ZNF718: variants seen among roughly 807,000 people sequenced by gnomAD.
ZNF718 encodes zinc finger protein 718.
In ZNF718, 3 loss-of-function variants were observed where a neutral mutation model predicts 2.6. The observed-to-expected ratio is 1.16, with a 90% CI of 0.53 to 3.01. The LOEUF (loss-of-function observed/expected upper bound fraction) is 3.01. ZNF718 is among the 30% of genes most tolerant of loss of function. ZNF718 has a pLI of 0.03. For missense variants in ZNF718, 468 were observed against 230.0 expected (o/e 2.03, Z -6.69); for synonymous variants, 135 against 77.9 (o/e 1.73, Z -3.86).
intron 1 of ZNF718, among the ~76,000 whole-genome samples, chr4:126,751 G>C (rs1553808107): frequency 6.6e-6 from 1 of 151,598 alleles, no homozygotes; most frequent in African/African-American, 2.4e-5. Context: ...TCACATTTTG[G>C]TTTAATTATA....
At chr4:193,887 A>G (rs1264244831) in intron 3 of ZNF718, among the ~76,000 whole-genome samples, 1 of 152,178 alleles carries the variant, frequency 6.6e-6, no homozygotes, top group Non-Finnish European at 1.5e-5. Flanking sequence ...TTCCCTTGAC[A>G]TAAGGGCATG....
At chr4:167,216 G>C (rs113664738), downstream of ZNF718, among the ~76,000 whole-genome samples, 1,925 of 152,204 alleles carry the variant, frequency 0.013, 47 homozygotes, top group African/African-American at 0.044. Flanking sequence ...CTATATCTCT[G>C]TTTTGGTACC....
intron 3 of ZNF718, among the ~76,000 whole-genome samples, chr4:184,310 A>G (rs527780724): frequency 4.9e-4 from 75 of 152,196 alleles, no homozygotes; most frequent in African/African-American, 1.6e-3. Context: ...TGAACCACAT[A>G]TATCGATTTG....
At chr4:187,719 G>A (rs1434656278) in intron 3 of ZNF718, among the ~76,000 whole-genome samples, 6 of 152,134 alleles carry the variant, frequency 3.9e-5, no homozygotes, top group Non-Finnish European at 7.4e-5. Flanking sequence ...CAGGGGAAAG[G>A]GGATGAGCAA....
At chr4:166,322 G>A (rs1472788221), downstream of ZNF718, among the ~76,000 whole-genome samples, 1 of 152,202 alleles carries the variant, frequency 6.6e-6, no homozygotes, top group Non-Finnish European at 1.5e-5. Context: ...GTGTGCATGT[G>A]TCTTTATAGC....
intron 3 of ZNF718, among the ~76,000 whole-genome samples, chr4:189,270 T>A (rs1553820821): frequency 6.6e-6 from 1 of 152,038 alleles, no homozygotes; most frequent in African/African-American, 2.4e-5. Flanking sequence ...ACGTTTCTTA[T>A]TGATAACCTT....
At chr4:169,499 G>C (rs905782665) in intron 3 of ZNF718, among the ~76,000 whole-genome samples, 32 of 152,076 alleles carry the variant, frequency 2.1e-4, no homozygotes, top group African/African-American at 7.5e-4. Flanking sequence ...TCTCTTTCTA[G>C]GTCTCTAACG....
chr4:126,456 T>C (rs1045073219), intron 1 of ZNF718, among the ~76,000 whole-genome samples: 1 of 152,254 alleles, frequency 6.6e-6, no homozygotes, highest in Non-Finnish European at 1.5e-5. Context: ...AACTATTGCT[T>C]TGAAATGTGA....
At chr4:183,140 A>G (rs1231743607) in intron 3 of ZNF718, among the ~76,000 whole-genome samples, 1 of 152,094 alleles carries the variant, frequency 6.6e-6, no homozygotes, top group Non-Finnish European at 1.5e-5. Context: ...TTGGTTTTAC[A>G]TTTAAGTCTT....
intron 3 of ZNF718, among the ~76,000 whole-genome samples, chr4:199,194 G>C (rs567101566): frequency 6.6e-6 from 1 of 152,294 alleles, no homozygotes; most frequent in East Asian, 1.9e-4. Context: ...TGTAAAAGGG[G>C]CATAATAACT....
chr4:134,742 TTTG>T (rs1715484862), intron 3 of ZNF718, among the ~76,000 whole-genome samples: 1 of 150,544 alleles, frequency 6.6e-6, no homozygotes, highest in African/African-American at 2.4e-5. Flanking sequence ...TTCTTTTTTG[TTTG>T]TTTGTTTTTG....
chr4:175,729 C>G (rs1472033769), intron 3 of ZNF718, among the ~76,000 whole-genome samples: 3 of 152,006 alleles, frequency 2.0e-5, no homozygotes, highest in Non-Finnish European at 1.5e-5. Context: ...TACTAATATG[C>G]CTTTGTTACC....
intron 3 of ZNF718, among the ~76,000 whole-genome samples, chr4:197,717 C>G (rs1214624348): frequency 6.6e-6 from 1 of 152,200 alleles, no homozygotes; most frequent in Non-Finnish European, 1.5e-5. Flanking sequence ...GAACTGCACT[C>G]TAAATGCAGG....
chr4:183,054 T>C (rs1717499690), intron 3 of ZNF718, among the ~76,000 whole-genome samples: 1 of 152,226 alleles, frequency 6.6e-6, no homozygotes, highest in Non-Finnish European at 1.5e-5. Context: ...TTTTTGCATC[T>C]TTGTCATGAA....
chr4:161,918 T>A lies in ZNF718; in HGVS notation c.1233T>A (p.His411Gln), dbSNP rs782022977. The A allele has an allele frequency of 2.7e-5, 21 of 780,044 alleles. 2 individuals carry two copies. In the South Asian group the frequency reaches 2.8e-4, roughly 10 times the overall value. The allele number at this position is 780,044 out of a possible 1,614,324, so 48.3% of individuals were successfully genotyped here. Residue 411 changes from histidine to glutamine, a missense_variant, in exon 4 of 4, where the codon CAT becomes CAA. Coordinates refer to ENST00000510175, the MANE Select transcript of ZNF718 (RefSeq NM_001039127.6). ...GKAFKVFANL[H>Q]NHKKIHTGEK... The stretch of plus-strand genomic sequence containing the variant: ...CCTTTAAAGTGTTTGCAAACCTGCA[T>A]AATCATAAGAAAATTCATACTGGAG...
intron 3 of ZNF718, among the ~76,000 whole-genome samples, chr4:137,149 A>C (rs77959824): frequency 6.6e-6 from 1 of 152,092 alleles, no homozygotes; most frequent in African/African-American, 2.4e-5. Context: ...GCTTTCTACC[A>C]TAATTGGAAG....
intron 3 of ZNF718, among the ~76,000 whole-genome samples, chr4:156,933 A>G (rs772068145): frequency 6.6e-6 from 1 of 152,160 alleles, no homozygotes; most frequent in Non-Finnish European, 1.5e-5. Flanking sequence ...GTGACCATGT[A>G]TATGAGAGTT....
chr4:169,917 C>T (rs201999055), intron 3 of ZNF718, among the ~76,000 whole-genome samples: 29,000 of 150,040 alleles, frequency 0.19, 3,048 homozygotes, highest in Admixed American at 0.26. Context: ...TTTTGCTCAT[C>T]AGTTGATGCA....
chr4:126,799 A>G (rs1444363784), intron 1 of ZNF718, among the ~76,000 whole-genome samples: 1 of 151,512 alleles, frequency 6.6e-6, no homozygotes, highest in African/African-American at 2.4e-5. Flanking sequence ...TATGGTGGAA[A>G]ATTTTTTTAG....
Sources: allele counts gnomAD v4.1 joint callset (sites outside exome capture counted in the v4.1 genomes callset), GRCh38; gene constraint gnomAD v4.1.1; transcripts MANE v1.5; gene names NCBI Gene and HGNC (gene_info 2026-07-23, HGNC 2026-07-21).